Variants in VAV2 observed in about 807,000 individuals in gnomAD.
The protein encoded by VAV2 is vav guanine nucleotide exchange factor 2.
In VAV2, 67 loss-of-function variants were observed where a neutral mutation model predicts 132.5. That is an observed-to-expected ratio of 0.51 (90% CI 0.42 to 0.62). The LOEUF is 0.62. Ranked by LOEUF, VAV2 falls within the 20% of genes least tolerant of loss-of-function variation. The probability of loss-of-function intolerance (pLI) is 0.00; values close to 1 mark genes in which losing one functional copy is unlikely to be tolerated. For missense variants in VAV2, 938 were observed against 1,153.6 expected (o/e 0.81, Z 2.71); for synonymous variants, 492 against 443.5 (o/e 1.11, Z -1.37).
intron 2 of VAV2, among the ~76,000 whole-genome samples, chr9:133,886,061 C>A (rs182643997): frequency 1.0e-3 from 155 of 152,316 alleles, no homozygotes; most frequent in African/African-American, 3.4e-3. Context: ...AAGGCCCAGC[C>A]GGGCCCAGAG....
At chr9:133,809,369 G>GA (rs377636384) in intron 6 of VAV2, among the ~76,000 whole-genome samples, 2 of 152,316 alleles carry the variant, frequency 1.3e-5, no homozygotes, top group African/African-American at 4.8e-5. Context: ...GTGACGTGGG[G>GA]ACAGTGCCAA....
At chr9:133,907,437 ACAGC>A (rs1839699445) in intron 2 of VAV2, among the ~76,000 whole-genome samples, 1 of 152,204 alleles carries the variant, frequency 6.6e-6, no homozygotes, top group African/African-American at 2.4e-5. Flanking sequence ...AAGGAACCTC[ACAGC>A]CACGCCCCAG....
intron 4 of VAV2, among the ~76,000 whole-genome samples, chr9:133,825,807 T>TC (rs988744363): frequency 3.3e-5 from 5 of 152,120 alleles, no homozygotes; most frequent in Admixed American, 1.3e-4. Context: ...GCACGGCCTC[T>TC]CCCCTCCCAG....
In VAV2 at chr9:133,942,896, G is replaced by T. The variant is rs187494485; in HGVS notation, c.205-3677C>A. The stretch of plus-strand genomic sequence containing the variant: ...GCAGGGACAGGGACTGCACGGACGG[G>T]GATGGCAGAGACCGGGACAAAGCCT... On this transcript the variant is annotated intron_variant, in intron 1 of 29. Coordinates refer to ENST00000371850, the MANE Select transcript of VAV2 (RefSeq NM_001134398.2). Among the ~76,000 whole-genome samples, 160 of 152,346 alleles carry T rather than the reference G, an allele frequency of 1.1e-3. 2 individuals carry two copies. The highest frequency in any genetic ancestry group is 3.6e-3 in the African/African-American group (148 of 41,590).
At position 133,935,269 on chromosome 9, in the gene VAV2, G is replaced by A. The variant is rs1040112293; in HGVS notation, c.321+3834C>T. On this transcript the variant is annotated intron_variant, in intron 2 of 29. Coordinates refer to ENST00000371850, the MANE Select transcript of VAV2 (RefSeq NM_001134398.2). The surrounding 1 kb of genome is among the most constrained non-coding windows in gnomAD (Gnocchi z 5.2). ...AGATGAATCTGGACGTGTAGGAAAC[G>A]CTCAGTAAATGCCCCGAAAAAATGA... Among the ~76,000 whole-genome samples, 8 of 152,184 alleles carry A rather than the reference G, an allele frequency of 5.3e-5. No homozygotes were observed. Among genetic ancestry groups the A allele is most frequent in the Admixed American group, 3.3e-4 (5 of 15,270 alleles).
chr9:133,774,908 C>A, intron 25 of VAV2, 27 bp downstream of exon 25: 1 of 1,595,002 alleles, frequency 6.3e-7, no homozygotes, highest in Non-Finnish European at 8.6e-7. Context: ...GGGGATGGGT[C>A]TCCTCGAGCC....
chr9:133,828,499 A>G (rs1377492105), intron 4 of VAV2, among the ~76,000 whole-genome samples: 4 of 151,270 alleles, frequency 2.6e-5, no homozygotes, highest in Admixed American at 2.6e-4. Flanking sequence ...ACCACTGAGC[A>G]CGGGCATCGC....
At chr9:133,976,714 C>T (rs977458228) in intron 1 of VAV2, among the ~76,000 whole-genome samples, 4 of 152,204 alleles carry the variant, frequency 2.6e-5, no homozygotes, top group Non-Finnish European at 5.9e-5. Flanking sequence ...CTATTCTGGA[C>T]GTTTTAAGAG....
chr9:133,858,422 G>C (rs1299457563), intron 3 of VAV2, among the ~76,000 whole-genome samples: 1 of 152,228 alleles, frequency 6.6e-6, no homozygotes, highest in Admixed American at 6.5e-5. Flanking sequence ...TGAGCACTAT[G>C]CAGAAGGCTC....
rs187113385 is a variant in VAV2 at position 133,794,595 on chromosome 9, C to T, written c.1101+1073G>A. Among the ~76,000 whole-genome samples, 889 of 152,330 alleles carry T rather than the reference C, an allele frequency of 5.8e-3. 6 individuals are homozygous for T. Among genetic ancestry groups the T allele is most frequent in the African/African-American group, 0.019 (800 of 41,570 alleles). On this transcript the variant is annotated intron_variant, in intron 12 of 29. Coordinates refer to ENST00000371850, the MANE Select transcript of VAV2 (RefSeq NM_001134398.2). This position sits in a 1 kb window ranked among gnomAD's most constrained non-coding sequence, Gnocchi z 4.6. ...GGTACCTGGGAAAGGAAAAGGGGGC[C>T]CAAAGCCCAGGGGGGCTGCCCAGAG... is the stretch of plus-strand genomic sequence containing the variant.
chr9:133,982,299 G>C (rs1041030287), intron 1 of VAV2, among the ~76,000 whole-genome samples: 1 of 152,218 alleles, frequency 6.6e-6, no homozygotes, highest in Non-Finnish European at 1.5e-5. Flanking sequence ...TCCAGGGCAG[G>C]AGCACCAAAC....
In VAV2 at chr9:133,918,204, C is replaced by T. The variant is rs1840167938; in HGVS notation, c.321+20899G>A. Among the ~76,000 whole-genome samples the T allele has an allele frequency of 1.3e-5, 2 of 152,300 alleles. No homozygotes were observed. Among genetic ancestry groups the T allele is most frequent in the South Asian group, 2.1e-4 (1 of 4,822 alleles). Reference sequence around the variant, plus strand: ...CCTCCAGTGACATTAATAGGGAAACCGTCGGAAATGCTAAAGAGGACTCGG... The same window carrying T: ...CCTCCAGTGACATTAATAGGGAAACTGTCGGAAATGCTAAAGAGGACTCGG... On this transcript the variant is annotated intron_variant, in intron 2 of 29. Transcript: ENST00000371850. The surrounding 1 kb of genome is among the most constrained non-coding windows in gnomAD (Gnocchi z 4.7).
At chr9:133,948,491 CAG>C (rs1841446119) in intron 1 of VAV2, among the ~76,000 whole-genome samples, 1 of 152,166 alleles carries the variant, frequency 6.6e-6, no homozygotes, top group African/African-American at 2.4e-5. Flanking sequence ...AGGCGACTGG[CAG>C]AGAGAGGGGC....
chr9:133,853,100 G>C (rs1837250292), intron 3 of VAV2, among the ~76,000 whole-genome samples: 1 of 152,228 alleles, frequency 6.6e-6, no homozygotes, highest in Non-Finnish European at 1.5e-5. Flanking sequence ...TCGGCTGTCA[G>C]GTAAAAGCCG....
chr9:133,769,731 T>C lies in VAV2; in HGVS notation c.2348-228A>G, dbSNP rs1833553677. ...ACCCTGGAACCACTCTATGCACCCG[T>C]GTACTCGAGAGCAAATTGGGACCAC... On this transcript the variant is annotated intron_variant, in intron 27 of 29. Transcript: ENST00000371850. This position sits in a 1 kb window ranked among gnomAD's most constrained non-coding sequence, Gnocchi z 8.1. 6.6e-6 allele frequency among the ~76,000 whole-genome samples: 1 copy of C among 152,138 alleles called. No homozygotes were observed. Among genetic ancestry groups the C allele is most frequent in the South Asian group, 2.1e-4 (1 of 4,828 alleles).
At chr9:133,849,214 C>T (rs943048646) in intron 3 of VAV2, among the ~76,000 whole-genome samples, 4 of 152,204 alleles carry the variant, frequency 2.6e-5, no homozygotes, top group Non-Finnish European at 4.4e-5. Flanking sequence ...ACGCACCATG[C>T]TATTATACTT....
At chr9:133,797,370 T>C (rs1009838518) in intron 10 of VAV2, among the ~76,000 whole-genome samples, 26 of 144,264 alleles carry the variant, frequency 1.8e-4, no homozygotes, top group South Asian at 4.6e-4. Flanking sequence ...GGGTGGGTGG[T>C]CCCACAGTTC....
chr9:133,956,635 C>T (rs1014789045), intron 1 of VAV2, among the ~76,000 whole-genome samples: 2 of 152,228 alleles, frequency 1.3e-5, no homozygotes, highest in African/African-American at 4.8e-5. Flanking sequence ...AACTGAGAAG[C>T]TGTACTTTCT....
chr9:133,968,716 C>T (rs1842229088), intron 1 of VAV2, among the ~76,000 whole-genome samples: 2 of 152,340 alleles, frequency 1.3e-5, no homozygotes, highest in South Asian at 2.1e-4. Context: ...CTCTGCCTCT[C>T]GTGCAGCTTC....
Sources: allele counts gnomAD v4.1 joint callset (sites outside exome capture counted in the v4.1 genomes callset), GRCh38; gene constraint gnomAD v4.1.1; non-coding constraint Gnocchi (gnomAD v3.1); transcripts MANE v1.5; gene names NCBI Gene and HGNC (gene_info 2026-07-23, HGNC 2026-07-21).